The following KSR2 variants were observed in gnomAD, a reference collection of about 807,000 sequenced individuals.
KSR2 encodes kinase suppressor of ras 2.
KSR2 carries 25 observed loss-of-function variants against 107.8 expected under a neutral mutation model. The observed-to-expected ratio is 0.23, with a 90% CI of 0.17 to 0.32. The LOEUF is 0.32. Ranked by LOEUF, KSR2 falls within the 10% of genes least tolerant of loss-of-function variation. The pLI, the probability that KSR2 is intolerant of heterozygous loss-of-function variation, is 1.00. For synonymous variants in KSR2, 480 were observed against 507.0 expected, an observed-to-expected ratio of 0.95 and a Z score of 0.71; for missense variants, 887 against 1,268.9, an observed-to-expected ratio of 0.70 and a Z score of 4.57.
intron 1 of KSR2, among the ~76,000 whole-genome samples, chr12:117,936,524 T>G (rs11068748): frequency 0.2 from 18,198 of 93,264 alleles, 1,323 homozygotes; most frequent in Middle Eastern, 0.3. Context: ...ATTATTATTA[T>G]TATTATTATT....
At chr12:117,601,774 C>A (rs1880970736) in intron 5 of KSR2, among the ~76,000 whole-genome samples, 1 of 152,146 alleles carries the variant, frequency 6.6e-6, no homozygotes, top group African/African-American at 2.4e-5. Flanking sequence ...CCTAGGAGAC[C>A]AATACACCTA....
chr12:117,469,774 C>G lies in KSR2; in HGVS notation c.2734G>C (p.Ala912Pro). 6.2e-7 allele frequency: 1 copy of G among 1,613,842 alleles called. No individual in the cohort carries two copies. The highest frequency in any genetic ancestry group is 1.1e-5 in the South Asian group (1 of 91,016). The change falls in exon 19 of 20, where the codon GCC becomes CCC. Residue 912 changes from alanine (A) to proline (P), a missense_variant. Coordinates refer to ENST00000339824, the MANE Select transcript of KSR2 (RefSeq NM_173598.6). Reference sequence around the variant, plus strand: ...GTAGGTCTCTCTTCTTGTTCAAAGGCCCAGCAGAAGAGAAGAATGTCCTAA... The same window carrying G: ...GTAGGTCTCTCTTCTTGTTCAAAGGGCCAGCAGAAGAGAAGAATGTCCTAA... ...EISDILLFCW[A>P]FEQEERPTFT...
At chr12:117,828,892 T>C (rs372524361) in intron 3 of KSR2, among the ~76,000 whole-genome samples, 1 of 152,172 alleles carries the variant, frequency 6.6e-6, no homozygotes, top group East Asian at 1.9e-4. Flanking sequence ...GTGCTCACAT[T>C]CCCATTGGCC....
chr12:117,592,445 C>T (rs1880385860), intron 5 of KSR2, among the ~76,000 whole-genome samples: 1 of 152,132 alleles, frequency 6.6e-6, no homozygotes, highest in Admixed American at 6.5e-5. Flanking sequence ...ACCACCACCA[C>T]CTGGTGTCTG....
intron 4 of KSR2, among the ~76,000 whole-genome samples, chr12:117,697,282 T>TTAAA (rs1886107560): frequency 6.6e-6 from 1 of 152,146 alleles, no homozygotes; most frequent in African/African-American, 2.4e-5. Flanking sequence ...TATAGGAAGG[T>TTAAA]ACATATTGAA....
chr12:117,878,456 G>A (rs1314487640), intron 1 of KSR2, among the ~76,000 whole-genome samples: 1 of 152,126 alleles, frequency 6.6e-6, no homozygotes, highest in Non-Finnish European at 1.5e-5. Context: ...CCTGCAAGTG[G>A]CAAAAAATAG....
chr12:117,712,251 C>A (rs543933364), intron 4 of KSR2, among the ~76,000 whole-genome samples: 1 of 152,314 alleles, frequency 6.6e-6, no homozygotes, highest in Non-Finnish European at 1.5e-5. Flanking sequence ...GCACGCTCCT[C>A]TCAAGGGGGT....
chr12:117,693,801 T>TAG (rs1196164106), intron 4 of KSR2, among the ~76,000 whole-genome samples: 6 of 152,196 alleles, frequency 3.9e-5, no homozygotes, highest in Non-Finnish European at 7.3e-5. Context: ...ACAGATGGTA[T>TAG]ACCTGCGGCT....
At chr12:117,810,403 C>G (rs557990183) in intron 3 of KSR2, among the ~76,000 whole-genome samples, 2 of 152,264 alleles carry the variant, frequency 1.3e-5, no homozygotes, top group Admixed American at 6.5e-5. Context: ...CTTGACTTCC[C>G]AAGGTCAAGC....
chr12:117,540,128 A>C (rs1023479067), intron 9 of KSR2, among the ~76,000 whole-genome samples: 1 of 152,038 alleles, frequency 6.6e-6, no homozygotes, highest in Admixed American at 6.6e-5. Flanking sequence ...CCCAGAGTGA[A>C]AGGTGACCAC....
intron 1 of KSR2, among the ~76,000 whole-genome samples, chr12:117,957,680 C>T (rs982691184): frequency 6.6e-6 from 1 of 152,126 alleles, no homozygotes; most frequent in African/African-American, 2.4e-5. Context: ...GTAGAATCCA[C>T]TCTCAAAACC....
At position 117,836,293 on chromosome 12, in the gene KSR2, C is replaced by T. The variant is rs188494402; in HGVS notation, c.472+19135G>A. Reference sequence around the variant, plus strand: ...TTCAACAGCTCTGGGGCCCCGAGACCATTCAGTTCCTGTGGAATCTACCTT... The same window carrying T: ...TTCAACAGCTCTGGGGCCCCGAGACTATTCAGTTCCTGTGGAATCTACCTT... On this transcript the variant is annotated intron_variant, in intron 3 of 19. Transcript: ENST00000339824. 1.5e-3 allele frequency among the ~76,000 whole-genome samples: 226 copies of T among 152,222 alleles called. 2 individuals are homozygous for T. Among genetic ancestry groups the T allele is most frequent in the South Asian group, 2.1e-4 (1 of 4,804 alleles).
intron 4 of KSR2, among the ~76,000 whole-genome samples, chr12:117,708,451 C>A (rs1301770149): frequency 6.6e-6 from 1 of 152,242 alleles, no homozygotes; most frequent in South Asian, 2.1e-4. Flanking sequence ...CCAGACTAGA[C>A]CCAAAGCCAG....
At chr12:117,921,793 C>T (rs1895355103) in intron 1 of KSR2, among the ~76,000 whole-genome samples, 1 of 152,168 alleles carries the variant, frequency 6.6e-6, no homozygotes, top group African/African-American at 2.4e-5. Flanking sequence ...TTGCATTGGG[C>T]TCACGTACCC....
Position 117,556,727 on chromosome 12 carries a change from A to G in KSR2, c.1394-1434T>C, listed in dbSNP as rs183996143. 3.2e-4 allele frequency among the ~76,000 whole-genome samples: 48 copies of G among 152,240 alleles called. No individual in the cohort carries two copies. In the East Asian group the frequency reaches 7.5e-3, roughly 24 times the overall value. On this transcript the variant is annotated intron_variant, in intron 8 of 19. Transcript: ENST00000339824. ...TGGGCAAGTGAGAGGACAGGGAAGG[A>G]GGACTCAGTGTCAGATGAGCAAGTT...
intron 4 of KSR2, among the ~76,000 whole-genome samples, chr12:117,702,323 G>C (rs2136621863): frequency 6.6e-6 from 1 of 152,260 alleles, no homozygotes; most frequent in South Asian, 2.1e-4. Context: ...TATCAGATCT[G>C]TTCCACGAGG....
rs58896782 is a variant in KSR2 at position 117,645,868 on chromosome 12, C to CGTGTGTGTGTGT, written c.1171+21594_1171+21605dup. ...CTTCTGGAATGTGCATGTGTATGTG[C>CGTGTGTGTGTGT]GTGTGTGTGTGTGTGTGTGTGTGTG... On this transcript the variant is annotated intron_variant, in intron 5 of 19. Transcript: ENST00000339824. 5.6e-5 allele frequency among the ~76,000 whole-genome samples: 8 copies of CGTGTGTGTGTGT among 142,162 alleles called. 1 individual carries two copies. The highest frequency in any genetic ancestry group is 2.1e-4 in the African/African-American group (8 of 38,098). The allele number at this position is 142,162 out of a possible 152,430, so 93.3% of individuals were successfully genotyped here.
At chr12:117,682,998 A>C (rs1277902787) in intron 4 of KSR2, among the ~76,000 whole-genome samples, 4 of 152,098 alleles carry the variant, frequency 2.6e-5, no homozygotes, top group African/African-American at 9.7e-5. Context: ...TGAAGCTTCA[A>C]ATAGATGTAC....
At chr12:117,795,210 T>A (rs1263779080) in intron 3 of KSR2, among the ~76,000 whole-genome samples, 1 of 152,180 alleles carries the variant, frequency 6.6e-6, no homozygotes, top group Non-Finnish European at 1.5e-5. Flanking sequence ...CATTCTTTAT[T>A]TCTGGGACCA....
Sources: gnomAD v4.1 joint callset for allele counts (sites outside exome capture counted in the v4.1 genomes callset) on GRCh38, gnomAD v4.1.1 for gene constraint, MANE v1.5 for transcripts, NCBI Gene and HGNC (gene_info 2026-07-23, HGNC 2026-07-21) for gene names.